Variants in ESRRG observed in about 807,000 individuals in gnomAD.
ESRRG encodes estrogen related receptor gamma.
ESRRG carries 13 observed loss-of-function variants against 44.0 expected under a neutral mutation model. The observed-to-expected ratio is 0.30, with a 90% CI of 0.19 to 0.47. The LOEUF is 0.47. Among genes scored for constraint, ESRRG ranks in the 20% least tolerant of loss-of-function variants. The pLI is 1.00. For synonymous variants in ESRRG, 215 were observed against 214.6 expected (o/e 1.00, Z -0.02); for missense variants, 395 against 580.6 (o/e 0.68, Z 3.29).
chr1:217,135,600 G>C (rs1273127780), intron 1 of ESRRG, among the ~76,000 whole-genome samples: 2 of 151,982 alleles, frequency 1.3e-5, no homozygotes, highest in African/African-American at 4.8e-5. Context: ...CTTTTCGCCC[G>C]CGCGCGCGAA....
chr1:217,087,569 G>A lies in ESRRG; in HGVS notation c.-106+1938C>T, dbSNP rs529612564. The stretch of plus-strand genomic sequence containing the variant: ...TCCCCTGGCTCCCCAGGCAATTCCC[G>A]GTAAAGAAGACCAGCAGGTTTCAGT... On this transcript the variant is annotated intron_variant, in intron 1 of 7. Coordinates refer to the ESRRG transcript ENST00000359162. 9.2e-5 allele frequency among the ~76,000 whole-genome samples: 14 copies of A among 152,182 alleles called. No individual in the cohort carries two copies. The South Asian group carries it at 1.7e-3, about 18-fold the overall frequency.
intron 2 of ESRRG, among the ~76,000 whole-genome samples, chr1:216,911,573 T>A (rs2060302571): frequency 6.6e-6 from 1 of 152,104 alleles, no homozygotes; most frequent in Non-Finnish European, 1.5e-5. Context: ...CCAGAGAGAA[T>A]GCTATTGTAA....
chr1:216,754,749 C>A (rs1021420551), intron 2 of ESRRG, among the ~76,000 whole-genome samples: 6 of 142,548 alleles, frequency 4.2e-5, no homozygotes, highest in Admixed American at 3.6e-4. Context: ...TTGCGTGTTG[C>A]GTAAAAGATT....
At chr1:217,054,635 T>G (rs1451747884) in intron 1 of ESRRG, among the ~76,000 whole-genome samples, 1 of 152,198 alleles carries the variant, frequency 6.6e-6, no homozygotes, top group Non-Finnish European at 1.5e-5. Flanking sequence ...TTGCCACAAC[T>G]GTGTCTATTT....
intron 2 of ESRRG, among the ~76,000 whole-genome samples, chr1:216,796,644 T>A (rs1225627758): frequency 1.3e-5 from 2 of 152,120 alleles, no homozygotes; most frequent in African/African-American, 4.8e-5. Flanking sequence ...TTTAATCCAA[T>A]TTCTTTCCTT....
chr1:216,526,346 T>C (rs2047644842), intron 5 of ESRRG, among the ~76,000 whole-genome samples: 2 of 152,096 alleles, frequency 1.3e-5, no homozygotes, highest in Admixed American at 6.6e-5. Context: ...GTAATATGAC[T>C]GTATCTTCAT....
chr1:216,640,051 T>C (rs1247375307), intron 3 of ESRRG, among the ~76,000 whole-genome samples: 1 of 152,206 alleles, frequency 6.6e-6, no homozygotes, highest in East Asian at 1.9e-4. Flanking sequence ...AAATTTATGT[T>C]GTGGATAATC....
chr1:216,943,106 A>T (rs1364169712), intron 1 of ESRRG, among the ~76,000 whole-genome samples: 2 of 152,170 alleles, frequency 1.3e-5, no homozygotes. Context: ...TGGATTTTGC[A>T]TTGCAAGATT....
At chr1:217,009,313 G>A (rs965505280) in intron 1 of ESRRG, among the ~76,000 whole-genome samples, 1 of 152,012 alleles carries the variant, frequency 6.6e-6, no homozygotes, top group African/African-American at 2.4e-5. Context: ...TCCATAGGAT[G>A]GTAGATAATG....
At chr1:217,085,755 C>T (rs1189930043) in intron 1 of ESRRG, among the ~76,000 whole-genome samples, 1 of 151,962 alleles carries the variant, frequency 6.6e-6, no homozygotes, top group Non-Finnish European at 1.5e-5. Flanking sequence ...TCCCAAAGTG[C>T]TGGGATTACA....
intron 5 of ESRRG, among the ~76,000 whole-genome samples, chr1:216,550,280 T>A (rs948215784): frequency 1.1e-4 from 17 of 152,142 alleles, no homozygotes; most frequent in African/African-American, 3.9e-4. Flanking sequence ...TATTTAATGA[T>A]TGCCAAAGAC....
intron 1 of ESRRG, among the ~76,000 whole-genome samples, chr1:216,705,592 T>A (rs1266376895): frequency 6.6e-6 from 1 of 152,194 alleles, no homozygotes; most frequent in Non-Finnish European, 1.5e-5. Context: ...ATAAAACTCA[T>A]TGGTTTGTAA....
chr1:216,880,559 C>G (rs964105786), intron 2 of ESRRG, among the ~76,000 whole-genome samples: 1 of 152,080 alleles, frequency 6.6e-6, no homozygotes, highest in Non-Finnish European at 1.5e-5. Flanking sequence ...AGTTTCAACA[C>G]TGCATTCATA....
chr1:216,938,992 A>G (rs1056352767), intron 2 of ESRRG, among the ~76,000 whole-genome samples: 1 of 152,164 alleles, frequency 6.6e-6, no homozygotes, highest in Non-Finnish European at 1.5e-5. Context: ...GTATTACATA[A>G]TTTCCCTTCA....
intron 1 of ESRRG, among the ~76,000 whole-genome samples, chr1:217,098,903 G>T: frequency 6.6e-6 from 1 of 152,134 alleles, no homozygotes; most frequent in East Asian, 1.9e-4. Flanking sequence ...CCCTCTTAGG[G>T]AGGACTACCT....
At chr1:216,712,681 T>A (rs1365955082) in intron 1 of ESRRG, among the ~76,000 whole-genome samples, 1 of 152,216 alleles carries the variant, frequency 6.6e-6, no homozygotes. Flanking sequence ...TTATTTCCGT[T>A]GAATCTTAAA....
At chr1:216,934,169 C>T (rs531527449) in intron 2 of ESRRG, among the ~76,000 whole-genome samples, 3 of 152,178 alleles carry the variant, frequency 2.0e-5, no homozygotes, top group Non-Finnish European at 4.4e-5. Context: ...GGTGGTGGCT[C>T]ACGCCTGTAA....
intron 1 of ESRRG, among the ~76,000 whole-genome samples, chr1:216,718,325 T>C (rs1302562144): frequency 6.6e-6 from 1 of 151,934 alleles, no homozygotes; most frequent in Non-Finnish European, 1.5e-5. Context: ...TACATGCATA[T>C]TTCACATGCA....
At chr1:216,894,648 G>A (rs1336534806) in intron 2 of ESRRG, among the ~76,000 whole-genome samples, 3 of 152,106 alleles carry the variant, frequency 2.0e-5, no homozygotes, top group Admixed American at 2.0e-4. Flanking sequence ...GAGGGAGCTG[G>A]GGACTCGGGA....
Sources: gnomAD v4.1 joint callset for allele counts (sites outside exome capture counted in the v4.1 genomes callset) on GRCh38, gnomAD v4.1.1 for gene constraint, MANE v1.5 for transcripts, NCBI Gene and HGNC (gene_info 2026-07-23, HGNC 2026-07-21) for gene names.